Variants in RAB3C observed in about 807,000 individuals in gnomAD.
The protein encoded by RAB3C is RAB3C, member RAS oncogene family.
RAB3C carries 17 observed loss-of-function variants against 26.4 expected under a neutral mutation model. The ratio of observed to expected loss-of-function variants is 0.64; its 90% CI spans 0.44 to 0.97. The LOEUF (loss-of-function observed/expected upper bound fraction) is 0.97. Among genes scored for constraint, RAB3C ranks in the 50% least tolerant of loss-of-function variants. The pLI, the probability that RAB3C is intolerant of heterozygous loss-of-function variation, is 0.00. For missense variants in RAB3C, 242 were observed against 281.9 expected (o/e 0.86, Z 1.01); for synonymous variants, 91 against 95.9 (o/e 0.95, Z 0.30).
intron 4 of RAB3C, among the ~76,000 whole-genome samples, chr5:58,833,353 CACACACACAT>C (rs1311725228): frequency 6.6e-6 from 1 of 151,958 alleles, no homozygotes; most frequent in Non-Finnish European, 1.5e-5. Flanking sequence ...CACACACACA[CACACACACAT>C]ATTAAGTAAA....
rs994788988 is a variant in RAB3C at position 58,752,011 on chromosome 5, A to T, written c.371+25891A>T. On this transcript the variant is annotated intron_variant, in intron 3 of 4. Transcript: ENST00000282878. ...TTTTTCTGACTTGGGGAGATAAATGAATATAGAATTCCAGACTTGCCTAAA... is the reference window on the plus strand; with the variant it reads ...TTTTTCTGACTTGGGGAGATAAATGTATATAGAATTCCAGACTTGCCTAAA... 1.4e-4 allele frequency among the ~76,000 whole-genome samples: 21 copies of T among 152,198 alleles called. 1 individual carries two copies. Among genetic ancestry groups the T allele is most frequent in the Admixed American group, 2.0e-4 (3 of 15,274 alleles).
chr5:58,821,857 T>G (rs1387862938), intron 3 of RAB3C, among the ~76,000 whole-genome samples: 3 of 152,224 alleles, frequency 2.0e-5, no homozygotes, highest in Admixed American at 6.5e-5. Flanking sequence ...TGCTGTAGTT[T>G]AAAAAGCTAT....
intron 2 of RAB3C, among the ~76,000 whole-genome samples, chr5:58,706,879 G>A (rs768330367): frequency 4.7e-4 from 72 of 152,268 alleles, no homozygotes; most frequent in Middle Eastern, 3.4e-3. Context: ...GAGACAAAGG[G>A]TTTTCATCCC....
At chr5:58,607,658 A>C (rs949813603) in intron 1 of RAB3C, among the ~76,000 whole-genome samples, 1 of 152,218 alleles carries the variant, frequency 6.6e-6, no homozygotes, top group Non-Finnish European at 1.5e-5. Context: ...AAGGGCAGCC[A>C]GAGAGAAAGG....
intron 3 of RAB3C, among the ~76,000 whole-genome samples, chr5:58,768,754 A>G (rs1220652757): frequency 2.0e-5 from 3 of 151,872 alleles, no homozygotes; most frequent in Non-Finnish European, 4.4e-5. Flanking sequence ...AGTGGCTGGA[A>G]CACAGTAAGT....
At chr5:58,759,019 AATG>A (rs1258416063) in intron 3 of RAB3C, among the ~76,000 whole-genome samples, 1 of 152,208 alleles carries the variant, frequency 6.6e-6, no homozygotes, top group African/African-American at 2.4e-5. Context: ...CCAGGATACA[AATG>A]ATAACATAGC....
At chr5:58,735,758 C>T (rs1013398229) in intron 3 of RAB3C, among the ~76,000 whole-genome samples, 1 of 152,134 alleles carries the variant, frequency 6.6e-6, no homozygotes, top group Non-Finnish European at 1.5e-5. Context: ...CCGGTGGGCC[C>T]CTTTCTCAGC....
chr5:58,602,151 G>T (rs557039284), intron 1 of RAB3C, among the ~76,000 whole-genome samples: 8 of 151,868 alleles, frequency 5.3e-5, no homozygotes, highest in African/African-American at 1.9e-4. Context: ...ATGTATTTGC[G>T]TGGTTTTGAA....
At chr5:58,636,145 T>C (rs1414653049) in intron 2 of RAB3C, among the ~76,000 whole-genome samples, 1 of 152,194 alleles carries the variant, frequency 6.6e-6, no homozygotes, top group East Asian at 1.9e-4. Flanking sequence ...CCAATCCTTC[T>C]TGGATGAAGA....
intron 2 of RAB3C, among the ~76,000 whole-genome samples, chr5:58,618,925 C>T (rs894170565): frequency 1.3e-5 from 2 of 151,944 alleles, no homozygotes; most frequent in African/African-American, 2.4e-5. Flanking sequence ...TGACAATAAC[C>T]CTCCCTTCAT....
chr5:58,851,397 A>G lies in RAB3C; in HGVS notation c.*46A>G, dbSNP rs374916706. 16 of 1,469,702 alleles carry G rather than the reference A, an allele frequency of 1.1e-5. No individual in the cohort carries two copies. The highest frequency in any genetic ancestry group is 1.4e-5 in the Non-Finnish European group (15 of 1,092,084). 91.0% of individuals were successfully genotyped at this position (1,469,702 alleles called of 1,614,324 possible). ...GCTCCAGGGGGCTCTGGTTGCCAAC[A>G]AACAGCATTTGTAAATGGTCTATTA... On this transcript the variant is annotated 3_prime_UTR_variant, in exon 5 of 5. Transcript: ENST00000282878.
chr5:58,697,927 G>A (rs943187938), intron 2 of RAB3C, among the ~76,000 whole-genome samples: 6 of 152,112 alleles, frequency 3.9e-5, no homozygotes, highest in Admixed American at 2.0e-4. Context: ...TACATTTAAG[G>A]TTAATATTGT....
At chr5:58,728,118 C>A (rs1427311676) in intron 3 of RAB3C, among the ~76,000 whole-genome samples, 1 of 152,052 alleles carries the variant, frequency 6.6e-6, no homozygotes, top group African/African-American at 2.4e-5. Context: ...GTTCTAGAAA[C>A]AAACCCTTAC....
At chr5:58,833,617 G>A (rs1170186018) in intron 4 of RAB3C, among the ~76,000 whole-genome samples, 1 of 152,098 alleles carries the variant, frequency 6.6e-6, no homozygotes, top group African/African-American at 2.4e-5. Flanking sequence ...TGTGGAGGGA[G>A]AATTTCGGAG....
At chr5:58,697,987 C>T (rs113651118) in intron 2 of RAB3C, among the ~76,000 whole-genome samples, 311 of 152,124 alleles carry the variant, frequency 2.0e-3, no homozygotes, top group African/African-American at 6.9e-3. Context: ...TTATTTTGTC[C>T]GTTAATTGAT....
intron 3 of RAB3C, among the ~76,000 whole-genome samples, chr5:58,761,662 C>T (rs988677662): frequency 1.3e-5 from 2 of 152,050 alleles, no homozygotes; most frequent in East Asian, 3.9e-4. Flanking sequence ...ACACTCACTC[C>T]AGACTTTGCT....
At chr5:58,635,543 CTGGGAG>C (rs1747271763) in intron 2 of RAB3C, among the ~76,000 whole-genome samples, 2 of 152,288 alleles carry the variant, frequency 1.3e-5, no homozygotes, top group African/African-American at 4.8e-5. Context: ...AATTGTCATC[CTGGGAG>C]TCAAAATCAG....
chr5:58,834,593 T>A (rs1743693050), intron 4 of RAB3C, among the ~76,000 whole-genome samples: 1 of 152,238 alleles, frequency 6.6e-6, no homozygotes, highest in African/African-American at 2.4e-5. Context: ...TGCCAACCTC[T>A]GGGTTCAGCA....
chr5:58,732,381 A>G (rs183855499), intron 3 of RAB3C, among the ~76,000 whole-genome samples: 1 of 152,138 alleles, frequency 6.6e-6, no homozygotes, highest in Non-Finnish European at 1.5e-5. Flanking sequence ...CAGGGCAATA[A>G]GAAACTTCAA....
Sources: allele counts gnomAD v4.1 joint callset (sites outside exome capture counted in the v4.1 genomes callset), GRCh38; gene constraint gnomAD v4.1.1; transcripts MANE v1.5; gene names NCBI Gene and HGNC (gene_info 2026-07-23, HGNC 2026-07-21).